The following PRKACB variants were observed in gnomAD, a reference collection of about 807,000 sequenced individuals.
PRKACB encodes the protein cAMP-dependent protein kinase catalytic subunit beta.
In PRKACB, 16 loss-of-function variants were observed where a neutral mutation model predicts 51.4. The ratio of observed to expected loss-of-function variants is 0.31; its 90% CI spans 0.21 to 0.47. The LOEUF is 0.47. Among genes scored for constraint, PRKACB ranks in the 20% least tolerant of loss-of-function variants. The pLI is 1.00. For synonymous variants in PRKACB, 147 were observed against 154.4 expected, an observed-to-expected ratio of 0.95 and a Z score of 0.35; for missense variants, 309 against 464.5, an observed-to-expected ratio of 0.67 and a Z score of 3.08.
At position 84,115,821 on chromosome 1, in the gene PRKACB, G is replaced by A. The variant is rs567990932; in HGVS notation, c.46+37450G>A. 8.3e-5 allele frequency among the ~76,000 whole-genome samples: 12 copies of A among 145,168 alleles called. No individual in the cohort carries two copies. In the East Asian group the frequency reaches 2.6e-3, roughly 31 times the overall value. On this transcript the variant is annotated intron_variant, in intron 1 of 8. Transcript: ENST00000370688. ...CTCTTGAACCCAGGAGGTGGAGGTT[G>A]TGGTGAGCCGAGATCGTGCCATTGC... is the stretch of plus-strand genomic sequence containing the variant.
Position 84,185,646 on chromosome 1 carries a change from T to C in PRKACB, c.560+464T>C, listed in dbSNP as rs568649218. On this transcript the variant is annotated intron_variant, in intron 5 of 9. Coordinates refer to ENST00000370685, the MANE Select transcript of PRKACB (RefSeq NM_182948.4). The stretch of plus-strand genomic sequence containing the variant: ...ATTTAATTCTCCTTAAAGTTCTTGC[T>C]AAGTTTAGTTTTTAAAATATACACA... Among the ~76,000 whole-genome samples, 7 of 152,118 alleles carry C rather than the reference T, an allele frequency of 4.6e-5. No homozygotes were observed. The South Asian group carries it at 1.5e-3, about 32-fold the overall frequency.
At chr1:84,128,793 G>A (rs540017570) in intron 1 of PRKACB, among the ~76,000 whole-genome samples, 113 of 152,202 alleles carry the variant, frequency 7.4e-4, no homozygotes, top group Non-Finnish European at 1.3e-3. Flanking sequence ...AGCATTATGT[G>A]TGTTCCTATT....
chr1:84,180,127 A>G (rs1178130346), intron 2 of PRKACB, among the ~76,000 whole-genome samples: 1 of 138,950 alleles, frequency 7.2e-6, no homozygotes, highest in Non-Finnish European at 1.6e-5. Flanking sequence ...TCACAATTGC[A>G]AAATAGTGGA....
intron 9 of PRKACB, among the ~76,000 whole-genome samples, chr1:84,233,038 G>T (rs1676001886): frequency 2.0e-5 from 3 of 151,546 alleles, no homozygotes. Context: ...GCATGATTTT[G>T]CAGCAACTGG....
In PRKACB at chr1:84,199,098, CATATATGTATATATATGCATATATATAT is replaced by C. The variant is rs1458984821; in HGVS notation, c.783+1281_783+1308del. The stretch of plus-strand genomic sequence containing the variant: ...ATATGTATATATATGCGTATATATG[CATATATGTATATATATGCATATATATAT>C]ATATATACACACACATTTTAGCTTT... On this transcript the variant is annotated intron_variant, in intron 7 of 9. Transcript: ENST00000370685. 7.9e-3 allele frequency among the ~76,000 whole-genome samples: 630 copies of C among 79,566 alleles called. 2 individuals are homozygous for C. Among genetic ancestry groups the C allele is most frequent in the African/African-American group, 0.023 (587 of 25,656 alleles). 52.2% of individuals were successfully genotyped at this position (79,566 alleles called of 152,430 possible).
chr1:84,182,156 G>A, intron 2 of PRKACB, 44 bp from the exon 3 acceptor site: 1 of 1,349,094 alleles, frequency 7.4e-7, no homozygotes, highest in Middle Eastern at 2.5e-4. Context: ...TTCCCATAGT[G>A]TTTTTACGAG....
intron 1 of PRKACB, among the ~76,000 whole-genome samples, chr1:84,099,389 A>G (rs544386633): frequency 6.6e-6 from 1 of 152,206 alleles, no homozygotes; most frequent in South Asian, 2.1e-4. Context: ...TATATTTTCT[A>G]GAATAACATA....
At chr1:84,228,268 G>T (rs901848111) in intron 9 of PRKACB, among the ~76,000 whole-genome samples, 1 of 152,130 alleles carries the variant, frequency 6.6e-6, no homozygotes, top group African/African-American at 2.4e-5. Context: ...ATGTGTACTA[G>T]AAAATGTTTT....
chr1:84,093,992 TTATTTATA>T (rs1295872694), intron 1 of PRKACB, among the ~76,000 whole-genome samples: 1 of 151,998 alleles, frequency 6.6e-6, no homozygotes, highest in Non-Finnish European at 1.5e-5. Flanking sequence ...TAACTGTAAG[TTATTTATA>T]GATACATTTA....
intron 1 of PRKACB, among the ~76,000 whole-genome samples, chr1:84,102,679 G>A (rs916148918): frequency 3.3e-5 from 5 of 152,064 alleles, no homozygotes; most frequent in African/African-American, 9.7e-5. Flanking sequence ...AAAGTGTACG[G>A]GCCCTCACCT....
chr1:84,180,749 C>G (rs1274760960), intron 2 of PRKACB, among the ~76,000 whole-genome samples: 8 of 151,584 alleles, frequency 5.3e-5, no homozygotes, highest in Non-Finnish European at 7.4e-5. Context: ...AACATAGCCA[C>G]AAAGATTAAA....
At position 84,236,828 on chromosome 1, in the gene PRKACB, C is replaced by G. The variant is rs1283787068; in HGVS notation, c.*1523C>G. The G allele has an allele frequency of 1.3e-5, 2 of 152,518 alleles. No individual in the cohort carries two copies. The highest frequency in any genetic ancestry group is 2.9e-5 in the Non-Finnish European group (2 of 68,000). The allele number at this position is 152,518 out of a possible 1,614,324, so 9.4% of individuals were successfully genotyped here. A position where few individuals can be genotyped will look rare whatever the true frequency, so the allele number is the denominator to read the frequency against. ...TTATCTCTGCGTTTCAGTGACCTAC[C>G]TTAAAACAACACACGAGAAGAGTTA... On this transcript the variant is annotated 3_prime_UTR_variant, in exon 10 of 10. Transcript: ENST00000370685.
intron 1 of PRKACB, among the ~76,000 whole-genome samples, chr1:84,125,874 C>A (rs1337835394): frequency 1.3e-5 from 2 of 152,148 alleles, no homozygotes; most frequent in Non-Finnish European, 2.9e-5. Flanking sequence ...TTACAACACC[C>A]CTCCAGCCCC....
intron 1 of PRKACB, among the ~76,000 whole-genome samples, chr1:84,155,571 C>T (rs1012636766): frequency 4.6e-5 from 7 of 152,090 alleles, no homozygotes; most frequent in Non-Finnish European, 1.0e-4. Context: ...CAATCTTGAA[C>T]GAAAACTTTT....
intron 8 of PRKACB, among the ~76,000 whole-genome samples, chr1:84,210,684 T>C (rs565216201): frequency 1.3e-5 from 2 of 152,284 alleles, no homozygotes; most frequent in South Asian, 2.1e-4. Flanking sequence ...CCTTTTGATA[T>C]AGTTTTAAAG....
chr1:84,218,828 G>A (rs1022370762), intron 9 of PRKACB, among the ~76,000 whole-genome samples: 1 of 152,016 alleles, frequency 6.6e-6, no homozygotes, highest in African/African-American at 2.4e-5. Context: ...TTTGATAATA[G>A]CCATTCCACC....
chr1:84,122,935 CAAT>C (rs1651212154), intron 1 of PRKACB, among the ~76,000 whole-genome samples: 2 of 152,038 alleles, frequency 1.3e-5, no homozygotes, highest in African/African-American at 4.8e-5. Context: ...AAGGTAATGA[CAAT>C]AAAAGATTTT....
intron 1 of PRKACB, among the ~76,000 whole-genome samples, chr1:84,107,767 C>T (rs1370429130): frequency 1.3e-5 from 2 of 151,964 alleles, no homozygotes; most frequent in South Asian, 4.1e-4. Flanking sequence ...TAGAGAAATG[C>T]AAATCAAAAC....
chr1:84,166,913 A>C (rs1021937172), intron 1 of PRKACB, among the ~76,000 whole-genome samples: 1 of 151,660 alleles, frequency 6.6e-6, no homozygotes, highest in Non-Finnish European at 1.5e-5. Flanking sequence ...CGTTCAGTTC[A>C]AAAGTGGATT....
Sources: allele counts gnomAD v4.1 joint callset (sites outside exome capture counted in the v4.1 genomes callset), GRCh38; gene constraint gnomAD v4.1.1; transcripts MANE v1.5; gene names NCBI Gene and HGNC (gene_info 2026-07-23, HGNC 2026-07-21).